SLC4A4: variants seen among roughly 807,000 people sequenced by gnomAD.
SLC4A4 encodes the protein solute carrier family 4 member 4, also known as electrogenic sodium bicarbonate cotransporter 1.
A neutral mutation model predicts 111.5 loss-of-function variants in SLC4A4; 27 were observed. The observed-to-expected ratio is 0.24, with a 90% CI of 0.18 to 0.33. The LOEUF (loss-of-function observed/expected upper bound fraction) is 0.33, where lower values mean the gene tolerates loss of function less well. Ranked by LOEUF, SLC4A4 falls within the 10% of genes least tolerant of loss-of-function variation. SLC4A4 has a pLI of 1.00. For synonymous variants in SLC4A4, 443 were observed against 463.4 expected, an observed-to-expected ratio of 0.96 and a Z score of 0.57; for missense variants, 909 against 1,315.5, an observed-to-expected ratio of 0.69 and a Z score of 4.78.
At chr4:71,435,798 C>T (rs539664822) in intron 7 of SLC4A4, among the ~76,000 whole-genome samples, 10 of 152,190 alleles carry the variant, frequency 6.6e-5, no homozygotes, top group East Asian at 1.9e-4. Flanking sequence ...GGCCAACAAA[C>T]GTGAAAAAAA....
intron 1 of SLC4A4, among the ~76,000 whole-genome samples, chr4:71,071,267 TA>T (rs149294430): frequency 5.2e-4 from 73 of 139,162 alleles, no homozygotes; most frequent in Admixed American, 1.0e-3. Context: ...GAGACCGTCT[TA>T]AAAAAAAAAA....
chr4:71,473,097 A>C, intron 14 of SLC4A4, 127 bp downstream of exon 14: 1 of 1,068,712 alleles, frequency 9.4e-7, no homozygotes, highest in Non-Finnish European at 1.4e-6. Context: ...TCTCTGAAAA[A>C]CTCTGCTACT....
intron 25 of SLC4A4, 126 bp from the exon 26 acceptor site, chr4:71,567,662 A>T (rs1737609063): frequency 1.9e-6 from 1 of 515,746 alleles, no homozygotes; most frequent in Non-Finnish European, 3.4e-6. Flanking sequence ...TAATACACAA[A>T]GAGAATATAA....
At chr4:71,224,082 T>A (rs1476075234) in intron 1 of SLC4A4, among the ~76,000 whole-genome samples, 1 of 152,014 alleles carries the variant, frequency 6.6e-6, no homozygotes, top group Non-Finnish European at 1.5e-5. Flanking sequence ...ACAATCCTGT[T>A]CCTCCCAGAC....
At chr4:71,467,862 C>G (rs9997486) in intron 13 of SLC4A4, among the ~76,000 whole-genome samples, 18,812 of 150,352 alleles carry the variant, frequency 0.13, 2,036 homozygotes, top group East Asian at 0.46. Flanking sequence ...GTCTCATGGC[C>G]TGCTGGCACT....
At chr4:71,183,196 T>C (rs1745355354), upstream of SLC4A4, among the ~76,000 whole-genome samples, 3 of 152,324 alleles carry the variant, frequency 2.0e-5, no homozygotes, top group South Asian at 6.2e-4. Context: ...TTCCTTGACA[T>C]TAACTGAGAT....
intron 18 of SLC4A4, among the ~76,000 whole-genome samples, chr4:71,545,803 A>G (rs758601234): frequency 3.9e-5 from 6 of 152,024 alleles, no homozygotes; most frequent in Non-Finnish European, 5.9e-5. Context: ...TACTGTCTAG[A>G]TGAACAGCAT....
chr4:71,436,245 C>A (rs1025595343), intron 7 of SLC4A4, among the ~76,000 whole-genome samples: 2 of 152,144 alleles, frequency 1.3e-5, no homozygotes, highest in Non-Finnish European at 2.9e-5. Context: ...AGGATGAGTT[C>A]ATGTCCTTTG....
chr4:71,238,070 A>C (rs1042466425), intron 2 of SLC4A4, among the ~76,000 whole-genome samples: 3 of 152,218 alleles, frequency 2.0e-5, no homozygotes, highest in Non-Finnish European at 4.4e-5. Context: ...GAGGAGATAC[A>C]AGCAAAGAGG....
chr4:71,119,649 A>C (rs1016320503), intron 2 of SLC4A4, among the ~76,000 whole-genome samples: 1 of 152,148 alleles, frequency 6.6e-6, no homozygotes, highest in Non-Finnish European at 1.5e-5. Context: ...TTAAAAATTT[A>C]TTCTATTTGG....
intron 6 of SLC4A4, among the ~76,000 whole-genome samples, chr4:71,358,552 G>T (rs975039392): frequency 1.3e-5 from 2 of 152,142 alleles, no homozygotes; most frequent in Non-Finnish European, 2.9e-5. Flanking sequence ...GGCAAAACTG[G>T]TTATGTGCAA....
intron 6 of SLC4A4, among the ~76,000 whole-genome samples, chr4:71,387,641 T>C (rs1718874790): frequency 6.6e-6 from 1 of 152,072 alleles, no homozygotes; most frequent in East Asian, 1.9e-4. Flanking sequence ...ATTACAGGCG[T>C]GCACCACCAC....
intron 12 of SLC4A4, among the ~76,000 whole-genome samples, chr4:71,463,518 A>T (rs1727032178): frequency 6.6e-6 from 1 of 152,200 alleles, no homozygotes; most frequent in South Asian, 2.1e-4. Flanking sequence ...TGTGTATAAT[A>T]AATCACCTGT....
chr4:71,108,395 A>T (rs761209483), intron 2 of SLC4A4, among the ~76,000 whole-genome samples: 3 of 152,202 alleles, frequency 2.0e-5, no homozygotes, highest in Non-Finnish European at 2.9e-5. Context: ...TTTGAAAGAT[A>T]ATTTTGCTGC....
intron 6 of SLC4A4, among the ~76,000 whole-genome samples, chr4:71,380,792 A>T (rs1718064766): frequency 6.6e-6 from 1 of 152,078 alleles, no homozygotes; most frequent in Non-Finnish European, 1.5e-5. Flanking sequence ...TTTCCTTGCT[A>T]TTCCTCCCTC....
chr4:71,313,494 GCTGGAGGCA>G (rs1356932974), intron 3 of SLC4A4, among the ~76,000 whole-genome samples: 1 of 152,128 alleles, frequency 6.6e-6, no homozygotes, highest in Non-Finnish European at 1.5e-5. Context: ...AAAGAACAAA[GCTGGAGGCA>G]TCATGCTACC....
intron 2 of SLC4A4, among the ~76,000 whole-genome samples, chr4:71,099,576 A>G (rs537933159): frequency 6.6e-6 from 1 of 152,318 alleles, no homozygotes; most frequent in East Asian, 1.9e-4. Flanking sequence ...GCAGAAGACA[A>G]GAAATAACCC....
intron 2 of SLC4A4, among the ~76,000 whole-genome samples, chr4:71,168,914 T>C (rs1037644382): frequency 2.0e-5 from 3 of 152,236 alleles, no homozygotes; most frequent in Admixed American, 2.0e-4. Context: ...GCAATAAACA[T>C]GGGCATGCAG....
intron 2 of SLC4A4, among the ~76,000 whole-genome samples, chr4:71,250,940 G>T (rs930626566): frequency 3.3e-5 from 5 of 152,120 alleles, no homozygotes; most frequent in African/African-American, 1.2e-4. Context: ...TGTACAATGG[G>T]GATAGGAGCA....
Sources: gnomAD v4.1 joint callset for allele counts (sites outside exome capture counted in the v4.1 genomes callset) on GRCh38, gnomAD v4.1.1 for gene constraint, MANE v1.5 for transcripts, NCBI Gene and HGNC (gene_info 2026-07-23, HGNC 2026-07-21) for gene names.